The following TBC1D9 variants were observed in gnomAD, a reference collection of about 807,000 sequenced individuals.
The protein encoded by TBC1D9 is TBC1 domain family member 9A.
TBC1D9 carries 63 observed loss-of-function variants against 132.0 expected under a neutral mutation model. The ratio of observed to expected loss-of-function variants is 0.48; its 90% confidence interval spans 0.39 to 0.59. The LOEUF (loss-of-function observed/expected upper bound fraction) is 0.59. Among genes scored for constraint, TBC1D9 ranks in the 20% least tolerant of loss-of-function variants. The probability of loss-of-function intolerance (pLI) is 0.00; values close to 1 mark genes in which losing one functional copy is unlikely to be tolerated. For missense variants in TBC1D9, 1,261 were observed against 1,592.7 expected, an observed-to-expected ratio of 0.79 and a Z score of 3.54; for synonymous variants, 610 against 609.9, an observed-to-expected ratio of 1.00 and a Z score of 0.00.
chr4:140,635,387 T>A (rs1578816250), intron 15 of TBC1D9, among the ~76,000 whole-genome samples: 1 of 151,816 alleles, frequency 6.6e-6, no homozygotes, highest in Non-Finnish European at 1.5e-5. Context: ...GAGGCTGAGG[T>A]GGGAGGATAG....
chr4:140,729,975 TTTG>T (rs565906798), intron 1 of TBC1D9, among the ~76,000 whole-genome samples: 18 of 152,092 alleles, frequency 1.2e-4, no homozygotes, highest in Admixed American at 3.3e-4. Flanking sequence ...TTCCAGGTAT[TTTG>T]TTGTGGCTTC....
intron 1 of TBC1D9, among the ~76,000 whole-genome samples, chr4:140,716,496 G>GA (rs964142176): frequency 5.3e-5 from 8 of 149,782 alleles, no homozygotes; most frequent in East Asian, 3.9e-4. Context: ...TCTCAAAAAA[G>GA]AAAAAAAAAT....
intron 13 of TBC1D9, among the ~76,000 whole-genome samples, chr4:140,650,642 C>T (rs1737174046): frequency 6.6e-6 from 1 of 152,190 alleles, no homozygotes; most frequent in South Asian, 2.1e-4. Context: ...AATCGATTCT[C>T]TTGCCTCAGC....
chr4:140,742,531 CAAAAAAAA>C (rs35891616), intron 1 of TBC1D9, among the ~76,000 whole-genome samples: 13 of 63,452 alleles, frequency 2.0e-4, no homozygotes, highest in Non-Finnish European at 2.6e-4. Flanking sequence ...GACTCTGTCT[CAAAAAAAA>C]AAAAAAAAAA....
At chr4:140,646,771 G>C (rs1737108882) in intron 13 of TBC1D9, among the ~76,000 whole-genome samples, 1 of 152,200 alleles carries the variant, frequency 6.6e-6, no homozygotes, top group Admixed American at 6.5e-5. Flanking sequence ...GCAATGTGGT[G>C]AGTGGGTCTC....
At chr4:140,731,261 G>C (rs375246634) in intron 1 of TBC1D9, among the ~76,000 whole-genome samples, 14 of 152,324 alleles carry the variant, frequency 9.2e-5, no homozygotes, top group African/African-American at 3.1e-4. Flanking sequence ...GTCAAGAAGA[G>C]AGCATGTGTA....
chr4:140,698,981 C>T (rs1738021491), intron 2 of TBC1D9, among the ~76,000 whole-genome samples: 1 of 152,152 alleles, frequency 6.6e-6, no homozygotes, highest in African/African-American at 2.4e-5. Context: ...TGTATCCTCA[C>T]TAGACTGTAC....
At chr4:140,694,731 T>C (rs1471569340) in intron 2 of TBC1D9, among the ~76,000 whole-genome samples, 4 of 149,416 alleles carry the variant, frequency 2.7e-5, no homozygotes, top group East Asian at 1.9e-4. Flanking sequence ...ACACATAGTA[T>C]ATATTATATA....
At chr4:140,646,512 T>C (rs778827946) in intron 13 of TBC1D9, among the ~76,000 whole-genome samples, 1 of 152,228 alleles carries the variant, frequency 6.6e-6, no homozygotes, top group Non-Finnish European at 1.5e-5. Context: ...ATTAATCCTG[T>C]ATTTTTTTCT....
In TBC1D9 at chr4:140,681,162, C is replaced by G. The variant is rs954374542; in HGVS notation, c.361-1319G>C. ...CTGTGCTCCAGCCAGCCTGAGGCAC[C>G]CTTGGGGCCTGAACATGTCATTTCT... is the stretch of plus-strand genomic sequence containing the variant. On this transcript the variant is annotated intron_variant, in intron 3 of 20. Transcript: ENST00000442267. Among the ~76,000 whole-genome samples the G allele has an allele frequency of 2.6e-5, 4 of 152,056 alleles. No homozygotes were observed. The East Asian group carries it at 7.7e-4, about 29-fold the overall frequency.
At chr4:140,632,261 G>A (rs1736808327) in intron 16 of TBC1D9, among the ~76,000 whole-genome samples, 2 of 47,960 alleles carry the variant, frequency 4.2e-5, no homozygotes, top group South Asian at 1.7e-3. Flanking sequence ...TTTGCCCAAA[G>A]GTTTTTTTTT....
chr4:140,754,017 C>A (rs1274763567), intron 1 of TBC1D9, among the ~76,000 whole-genome samples: 1 of 152,196 alleles, frequency 6.6e-6, no homozygotes, highest in Admixed American at 6.5e-5. Context: ...TTAATAAGTG[C>A]AATCACTGTG....
At chr4:140,739,849 T>A (rs187951387) in intron 1 of TBC1D9, among the ~76,000 whole-genome samples, 195 of 151,758 alleles carry the variant, frequency 1.3e-3, no homozygotes, top group Admixed American at 4.9e-3. Context: ...AAAAAAAAAA[T>A]TTTTTTTAAA....
At chr4:140,640,993 C>A (rs752135988) in intron 13 of TBC1D9, among the ~76,000 whole-genome samples, 1 of 145,582 alleles carries the variant, frequency 6.9e-6, no homozygotes, top group Non-Finnish European at 1.5e-5. Flanking sequence ...TGCTCATGCA[C>A]AGAATGGATA....
At chr4:140,713,890 G>A (rs1738289464) in intron 1 of TBC1D9, among the ~76,000 whole-genome samples, 1 of 152,060 alleles carries the variant, frequency 6.6e-6, no homozygotes, top group Non-Finnish European at 1.5e-5. Context: ...AAAAGTAATT[G>A]CAGTTTTTAA....
rs548832132 is a variant in TBC1D9, at chr4:140,744,308, A to G, written c.130+11608T>C. ...CCAAAAATAAAATTCTGACCCCCCAACTGACTGAATGGACCCTTTCTCTCA... is the reference window on the plus strand; with the variant it reads ...CCAAAAATAAAATTCTGACCCCCCAGCTGACTGAATGGACCCTTTCTCTCA... On this transcript the variant is annotated intron_variant, in intron 1 of 20. Coordinates refer to ENST00000442267, the MANE Select transcript of TBC1D9 (RefSeq NM_015130.3). 6.0e-4 allele frequency among the ~76,000 whole-genome samples: 92 copies of G among 152,214 alleles called. 4 individuals carry two copies. Among genetic ancestry groups the G allele is most frequent in the Non-Finnish European group, 2.4e-4 (16 of 67,988 alleles).
At chr4:140,658,177 A>G (rs1394190455) in intron 11 of TBC1D9, among the ~76,000 whole-genome samples, 1 of 152,226 alleles carries the variant, frequency 6.6e-6, no homozygotes, top group East Asian at 1.9e-4. Context: ...GTCATGCCTC[A>G]CTTAACAATG....
At chr4:140,715,197 A>G (rs1338635075) in intron 1 of TBC1D9, among the ~76,000 whole-genome samples, 1 of 152,162 alleles carries the variant, frequency 6.6e-6, no homozygotes, top group Non-Finnish European at 1.5e-5. Context: ...TAATATTAAT[A>G]CTGGTCAGTT....
intron 1 of TBC1D9, among the ~76,000 whole-genome samples, chr4:140,745,876 A>C (rs1205675795): frequency 6.6e-6 from 1 of 152,258 alleles, no homozygotes; most frequent in East Asian, 1.9e-4. Flanking sequence ...TATCCTAAAA[A>C]CATACACCTC....
Sources: allele counts gnomAD v4.1 joint callset (sites outside exome capture counted in the v4.1 genomes callset), GRCh38; gene constraint gnomAD v4.1.1; transcripts MANE v1.5; gene names NCBI Gene and HGNC (gene_info 2026-07-23, HGNC 2026-07-21).